The following ADAM32 variants were observed in gnomAD, a reference collection of about 807,000 sequenced individuals.
The protein encoded by ADAM32 is disintegrin and metalloproteinase domain-containing protein 32.
A neutral mutation model predicts 114.9 loss-of-function variants in ADAM32; 89 were observed. That is an observed-to-expected ratio of 0.77 (90% CI 0.65 to 0.92). The LOEUF (loss-of-function observed/expected upper bound fraction) is 0.92. Among genes scored for constraint, ADAM32 ranks in the 40% least tolerant of loss-of-function variants. ADAM32 has a pLI of 0.00. For synonymous variants in ADAM32, 285 were observed against 307.5 expected (o/e 0.93, Z 0.77); for missense variants, 870 against 932.8 (o/e 0.93, Z 0.88).
At chr8:39,203,828 T>G (rs1807614771) in intron 11 of ADAM32, among the ~76,000 whole-genome samples, 1 of 152,174 alleles carries the variant, frequency 6.6e-6, no homozygotes, top group African/African-American at 2.4e-5. Flanking sequence ...GCAGGCCTGG[T>G]GGTGACAAAA....
At chr8:39,140,591 C>G (rs1803091681) in intron 3 of ADAM32, among the ~76,000 whole-genome samples, 1 of 152,156 alleles carries the variant, frequency 6.6e-6, no homozygotes, top group Admixed American at 6.6e-5. Context: ...CGATGTTCAT[C>G]AGGGATATTG....
At chr8:39,164,321 T>C (rs1190605671) in intron 7 of ADAM32, among the ~76,000 whole-genome samples, 1 of 152,236 alleles carries the variant, frequency 6.6e-6, no homozygotes, top group Non-Finnish European at 1.5e-5. Flanking sequence ...TTTGTTTCTT[T>C]TTATTGCTGA....
chr8:39,273,848 A>G (rs915166267), intron 20 of ADAM32, among the ~76,000 whole-genome samples: 1 of 151,990 alleles, frequency 6.6e-6, no homozygotes, highest in Non-Finnish European at 1.5e-5. Context: ...GGAAAGGGAA[A>G]ATTGTTTTGC....
chr8:39,262,175 T>G (rs560426702), intron 19 of ADAM32, among the ~76,000 whole-genome samples: 4 of 152,250 alleles, frequency 2.6e-5, no homozygotes, highest in Non-Finnish European at 5.9e-5. Context: ...TATTTTGAAT[T>G]TTATATGTAG....
chr8:39,149,377 G>T (rs117075011), intron 4 of ADAM32, among the ~76,000 whole-genome samples: 1 of 151,988 alleles, frequency 6.6e-6, no homozygotes, highest in Non-Finnish European at 1.5e-5. Flanking sequence ...CATCCTTTTG[G>T]TTTGTGTTGG....
At chr8:39,203,763 C>G (rs554670173) in intron 11 of ADAM32, among the ~76,000 whole-genome samples, 1 of 152,284 alleles carries the variant, frequency 6.6e-6, no homozygotes, top group East Asian at 1.9e-4. Context: ...TTTGCAGTGG[C>G]TGGTACTGAT....
intron 3 of ADAM32, among the ~76,000 whole-genome samples, chr8:39,141,716 C>T (rs541611510): frequency 3.9e-5 from 6 of 152,052 alleles, no homozygotes; most frequent in African/African-American, 7.2e-5. Flanking sequence ...CCACTTGGTC[C>T]GGAGCTGAGT....
At chr8:39,141,348 C>T (rs1195298230) in intron 3 of ADAM32, among the ~76,000 whole-genome samples, 1 of 152,198 alleles carries the variant, frequency 6.6e-6, no homozygotes, top group Non-Finnish European at 1.5e-5. Flanking sequence ...TTTCCCTCTA[C>T]ACATTGCTTT....
At chr8:39,139,782 G>T (rs541479135) in intron 3 of ADAM32, among the ~76,000 whole-genome samples, 94 of 152,092 alleles carry the variant, frequency 6.2e-4, no homozygotes, top group Non-Finnish European at 1.2e-3. Flanking sequence ...CCATTTTCAT[G>T]ATATTGATTC....
intron 1 of ADAM32, among the ~76,000 whole-genome samples, chr8:39,116,852 A>G (rs1480940850): frequency 6.6e-6 from 1 of 151,702 alleles, no homozygotes; most frequent in Non-Finnish European, 1.5e-5. Context: ...TTCCCCATTC[A>G]GTATGATGTT....
intron 2 of ADAM32, among the ~76,000 whole-genome samples, chr8:39,127,453 A>G (rs980743657): frequency 6.6e-6 from 1 of 152,028 alleles, no homozygotes; most frequent in African/African-American, 2.4e-5. Context: ...TAGATTTTCT[A>G]GTTTATGTGC....
At chr8:39,114,946 C>T (rs961605074) in intron 1 of ADAM32, among the ~76,000 whole-genome samples, 6 of 152,176 alleles carry the variant, frequency 3.9e-5, no homozygotes, top group Admixed American at 6.5e-5. Context: ...GTTTAGCCTC[C>T]GCTCATAAGT....
At chr8:39,142,242 A>G (rs1400133113) in intron 3 of ADAM32, among the ~76,000 whole-genome samples, 1 of 152,156 alleles carries the variant, frequency 6.6e-6, no homozygotes, top group Non-Finnish European at 1.5e-5. Flanking sequence ...TGATCCTGTC[A>G]TTATGATGTT....
chr8:39,152,678 A>G (rs1354606954), intron 6 of ADAM32, among the ~76,000 whole-genome samples: 1 of 149,898 alleles, frequency 6.7e-6, no homozygotes, highest in Admixed American at 6.6e-5. Flanking sequence ...CTGAGATCAC[A>G]CCACTGCACT....
intron 19 of ADAM32, among the ~76,000 whole-genome samples, chr8:39,262,779 C>T (rs540433496): frequency 1.3e-4 from 20 of 152,166 alleles, no homozygotes; most frequent in African/African-American, 4.8e-4. Context: ...GTTTTAGGCT[C>T]ACTGCAATTT....
At chr8:39,192,959 A>C (rs1806702355) in intron 11 of ADAM32, among the ~76,000 whole-genome samples, 1 of 151,750 alleles carries the variant, frequency 6.6e-6, no homozygotes, top group Non-Finnish European at 1.5e-5. Context: ...TTTTTCTTTC[A>C]CTTTGACCTT....
At chr8:39,172,623 T>G (rs1242001306) in intron 10 of ADAM32, among the ~76,000 whole-genome samples, 6 of 152,220 alleles carry the variant, frequency 3.9e-5, no homozygotes, top group Non-Finnish European at 7.3e-5. Context: ...GGATAATGGC[T>G]TCCAGTTCCA....
Position 39,232,063 on chromosome 8 carries a change from T to C in ADAM32, c.1562T>C (p.Ile521Thr). ...GCTCCATTTGCCTGCTATGAAGAAA[T>C]ACAATCTCAATCAGACAGATTTGGG... is the stretch of plus-strand genomic sequence containing the variant. ...RNAPFACYEE[I>T]QSQSDRFGNC... Residue 521 changes from isoleucine (I) to threonine (T), a missense_variant, in exon 15 of 25, where the codon ATA (isoleucine) becomes ACA (threonine). By Grantham distance (89) the Ile-to-Thr change is moderately conservative. Transcript: ENST00000379907. 4 of 1,612,570 alleles carry C rather than the reference T, an allele frequency of 2.5e-6. No homozygotes were observed. Among genetic ancestry groups the C allele is most frequent in the East Asian group, 2.2e-5 (1 of 44,776 alleles).
intron 14 of ADAM32, among the ~76,000 whole-genome samples, chr8:39,231,472 C>A (rs1353578214): frequency 6.6e-6 from 1 of 152,148 alleles, no homozygotes; most frequent in Non-Finnish European, 1.5e-5. Flanking sequence ...GCTGAACTAA[C>A]TACTGAGTCC....
Sources: allele counts gnomAD v4.1 joint callset (sites outside exome capture counted in the v4.1 genomes callset), GRCh38; gene constraint gnomAD v4.1.1; transcripts MANE v1.5; gene names NCBI Gene and HGNC (gene_info 2026-07-23, HGNC 2026-07-21).